ADGRV1: variants seen among roughly 807,000 people sequenced by gnomAD.
ADGRV1 encodes G-protein coupled receptor 98.
Under a neutral mutation model 596.2 loss-of-function variants are expected in ADGRV1, and 359 were observed. The ratio of observed to expected loss-of-function variants is 0.60; its 90% CI spans 0.55 to 0.66. The LOEUF is 0.66. Among genes scored for constraint, ADGRV1 ranks in the 30% least tolerant of loss-of-function variants. The probability of loss-of-function intolerance (pLI) is 0.00; values close to 1 mark genes in which losing one functional copy is unlikely to be tolerated. For synonymous variants in ADGRV1, 2,681 were observed against 2,679.2 expected (o/e 1.00, Z -0.02); for missense variants, 7,274 against 7,575.6 (o/e 0.96, Z 1.48).
intron 83 of ADGRV1, among the ~76,000 whole-genome samples, chr5:90,865,494 C>A (rs1768007540): frequency 6.6e-6 from 1 of 152,068 alleles, no homozygotes; most frequent in African/African-American, 2.4e-5. Context: ...ACTTTTGATT[C>A]ATATTGTACT....
chr5:90,627,467 G>A lies in ADGRV1; in HGVS notation c.929G>A (p.Gly310Glu), dbSNP rs766790920. Residue 310 changes from glycine (G) to glutamate (E), a missense_variant, in exon 7 of 90, where the codon GGG (glycine) becomes GAG (glutamate). By Grantham distance (98) the Gly-to-Glu change is moderately conservative (BLOSUM62 -2). Coordinates refer to ENST00000405460, the MANE Select transcript of ADGRV1 (RefSeq NM_032119.4). ...EVSISYAVTT[G>E]NSTAHAQQNL... ...TCAATCAGTTATGCTGTCACAACTG[G>A]GAATTCCACAGCACATGCCCAGCAA... 56 of 1,613,714 alleles carry A rather than the reference G, an allele frequency of 3.5e-5. No individual in the cohort carries two copies. The East Asian group carries it at 9.1e-4, about 26-fold the overall frequency.
chr5:90,957,183 G>C (rs1025096467), intron 83 of ADGRV1, among the ~76,000 whole-genome samples: 2 of 152,086 alleles, frequency 1.3e-5, no homozygotes, highest in Non-Finnish European at 2.9e-5. Flanking sequence ...CTTGGCAAAT[G>C]TATTTACTTT....
At chr5:90,701,591 C>CATGTGTTTGTGTATATGTGTGTGTGT in intron 34 of ADGRV1, among the ~76,000 whole-genome samples, 1 of 151,584 alleles carries the variant, frequency 6.6e-6, no homozygotes, top group South Asian at 2.1e-4. Flanking sequence ...TGTGTGTGCG[C>CATGTGTTTGTGTATATGTGTGTGTGT]ATGTGTTTGT....
chr5:90,927,460 TG>T (rs1774624014), intron 83 of ADGRV1, among the ~76,000 whole-genome samples: 1 of 152,236 alleles, frequency 6.6e-6, no homozygotes, highest in Non-Finnish European at 1.5e-5. Context: ...TTGCAACCCC[TG>T]CCTTTTTTTG....
chr5:90,818,336 G>A lies in ADGRV1; in HGVS notation c.16196+2600G>A, dbSNP rs1235022516. Among the ~76,000 whole-genome samples, 353 of 148,154 alleles carry A rather than the reference G, an allele frequency of 2.4e-3. 1 individual carries two copies. The highest frequency in any genetic ancestry group is 6.4e-3 in the African/African-American group (258 of 40,190). Reference sequence around the variant, plus strand: ...TGGGCTGAGACAATGGGGTTTTCTAGATATACAATCATGTCATCTGCAAAC... The same window carrying A: ...TGGGCTGAGACAATGGGGTTTTCTAAATATACAATCATGTCATCTGCAAAC... On this transcript the variant is annotated intron_variant, in intron 75 of 89. Transcript: ENST00000405460.
At chr5:90,714,988 T>A (rs547801708) in intron 42 of ADGRV1, among the ~76,000 whole-genome samples, 6 of 152,360 alleles carry the variant, frequency 3.9e-5, no homozygotes, top group Non-Finnish European at 5.9e-5. Flanking sequence ...ACAAACAAAC[T>A]ATTTTGATTG....
chr5:91,017,818 G>A (rs560958688), intron 85 of ADGRV1, among the ~76,000 whole-genome samples: 1 of 151,852 alleles, frequency 6.6e-6, no homozygotes, highest in African/African-American at 2.4e-5. Flanking sequence ...TGTGGGCCCT[G>A]GGTGTCAGCA....
At chr5:90,886,634 G>T (rs1770314636) in intron 83 of ADGRV1, among the ~76,000 whole-genome samples, 1 of 151,996 alleles carries the variant, frequency 6.6e-6, no homozygotes, top group African/African-American at 2.4e-5. Flanking sequence ...TTAAGCTCTG[G>T]TCTTATATAC....
At position 90,685,635 on chromosome 5, in the gene ADGRV1, T is replaced by TA. The variant is rs913675972; in HGVS notation, c.6275-142dup. 232 of 232,624 alleles carry TA rather than the reference T, an allele frequency of 1.0e-3. 1 individual carries two copies. The highest frequency in any genetic ancestry group is 5.6e-3 in the African/African-American group (222 of 39,798). The allele number at this position is 232,624 out of a possible 1,614,324, so 14.4% of individuals were successfully genotyped here. On this transcript the variant is annotated intron_variant, in intron 28 of 89. Coordinates refer to ENST00000405460, the MANE Select transcript of ADGRV1 (RefSeq NM_032119.4). ...ATAAATAAATAAATAAATAAATAAA[T>TA]AAATAAAATAAATAGTAGAGGGAAA...
chr5:90,782,621 G>T (rs1039240507), intron 65 of ADGRV1, among the ~76,000 whole-genome samples: 1 of 152,028 alleles, frequency 6.6e-6, no homozygotes, highest in African/African-American at 2.4e-5. Flanking sequence ...TTCACAAGTA[G>T]ATTTCATAGG....
chr5:91,027,144 A>AACACACACACAC (rs1184010778), intron 85 of ADGRV1, among the ~76,000 whole-genome samples: 9,733 of 129,064 alleles, frequency 0.075, 518 homozygotes, highest in Middle Eastern at 0.1. Context: ...ACAGTCTCAA[A>AACACACACACAC]ACACACACAC....
intron 85 of ADGRV1, among the ~76,000 whole-genome samples, chr5:91,047,639 T>C (rs1785949217): frequency 6.6e-6 from 1 of 152,152 alleles, no homozygotes; most frequent in East Asian, 1.9e-4. Context: ...AATGTTGATC[T>C]CCTTTGGCAA....
Position 90,622,686 on chromosome 5 carries a change from C to A in ADGRV1, c.543C>A (p.Val181=). Residue 181 remains valine (V), a synonymous_variant, in exon 5 of 90, where the codon GTC becomes GTA. Transcript: ENST00000405460. The stretch of plus-strand genomic sequence containing the variant: ...GGGAAAAGGGAACCTATGGAATGGT[C>A]ATGGTGACTTTTGAGGTAAGTTTAC... ...LIREKGTYGM[V]MVTFEVEGGP... The A allele has an allele frequency of 6.6e-7, 1 of 1,517,062 alleles. No individual in the cohort carries two copies. Among genetic ancestry groups the A allele is most frequent in the Non-Finnish European group, 8.9e-7 (1 of 1,120,018 alleles). The allele number at this position is 1,517,062 out of a possible 1,614,324, so 94.0% of individuals were successfully genotyped here.
At chr5:91,064,898 T>G (rs1008299699) in intron 85 of ADGRV1, among the ~76,000 whole-genome samples, 4 of 152,170 alleles carry the variant, frequency 2.6e-5, no homozygotes, top group African/African-American at 9.7e-5. Context: ...AATGCATGCA[T>G]GCATAAATTC....
Position 91,119,564 on chromosome 5 carries a change from C to T in ADGRV1, c.18432+17224C>T, listed in dbSNP as rs73771178. Among the ~76,000 whole-genome samples, 971 of 152,322 alleles carry T rather than the reference C, an allele frequency of 6.4e-3. 11 individuals are homozygous for T. Among genetic ancestry groups the T allele is most frequent in the African/African-American group, 0.022 (913 of 41,582 alleles). Reference sequence around the variant, plus strand: ...TATTTTCTAAGGAAGGAACTGGCAGCTGTTCCAAAGATGAAATCTAAATGT... The same window carrying T: ...TATTTTCTAAGGAAGGAACTGGCAGTTGTTCCAAAGATGAAATCTAAATGT... On this transcript the variant is annotated intron_variant, in intron 87 of 89. Coordinates refer to ENST00000405460, the MANE Select transcript of ADGRV1 (RefSeq NM_032119.4).
chr5:90,922,326 C>T (rs184403110), intron 83 of ADGRV1, among the ~76,000 whole-genome samples: 1 of 152,216 alleles, frequency 6.6e-6, no homozygotes, highest in East Asian at 1.9e-4. Context: ...TTTAAGAAGT[C>T]CAGTATCTCT....
rs985988540 is a variant in ADGRV1, at chr5:91,067,067, T to C, written c.18153-5380T>C. ...AGGGGATGGCTTCAGGATTGGGTCA[T>C]TTTCCTGCCCCTTTTCTGAAAGGAT... On this transcript the variant is annotated intron_variant, in intron 85 of 89. Transcript: ENST00000405460. 9.9e-5 allele frequency among the ~76,000 whole-genome samples: 15 copies of C among 152,266 alleles called. 1 individual carries two copies. The East Asian group carries it at 1.4e-3, about 14-fold the overall frequency.
intron 83 of ADGRV1, among the ~76,000 whole-genome samples, chr5:90,918,984 A>G (rs114390382): frequency 2.6e-3 from 402 of 152,298 alleles, no homozygotes; most frequent in African/African-American, 9.4e-3. Flanking sequence ...TGCATCTCAT[A>G]CATTTTGAGT....
chr5:91,007,826 C>T (rs1782404690), intron 85 of ADGRV1, among the ~76,000 whole-genome samples: 3 of 152,164 alleles, frequency 2.0e-5, no homozygotes, highest in Admixed American at 2.0e-4. Context: ...TGCCACTTTT[C>T]TAAGTGGAAA....
Sources: gnomAD v4.1 joint callset for allele counts (sites outside exome capture counted in the v4.1 genomes callset) on GRCh38, gnomAD v4.1.1 for gene constraint, MANE v1.5 for transcripts, NCBI Gene and HGNC (gene_info 2026-07-23, HGNC 2026-07-21) for gene names.